Variants in NFIA observed in about 807,000 individuals in gnomAD.
NFIA encodes the protein nuclear factor I A.
In NFIA, 8 loss-of-function variants were observed where a neutral mutation model predicts 62.8. The ratio of observed to expected loss-of-function variants is 0.13; its 90% CI spans 0.07 to 0.23. NFIA has a LOEUF of 0.23. Among genes scored for constraint, NFIA ranks in the 10% least tolerant of loss-of-function variants. The pLI is 1.00. For synonymous variants in NFIA, 235 were observed against 238.1 expected (o/e 0.99, Z 0.12); for missense variants, 410 against 642.1 (o/e 0.64, Z 3.91).
At chr1:61,304,806 C>T (rs1464542019) in intron 3 of NFIA, among the ~76,000 whole-genome samples, 1 of 152,198 alleles carries the variant, frequency 6.6e-6, no homozygotes, top group African/African-American at 2.4e-5. Flanking sequence ...GTGGCACCAC[C>T]TTTTCCTCCT....
At chr1:61,180,669 T>C (rs1333610244) in intron 2 of NFIA, among the ~76,000 whole-genome samples, 1 of 152,142 alleles carries the variant, frequency 6.6e-6, no homozygotes, top group East Asian at 1.9e-4. Context: ...GGCCCATCCT[T>C]TATAAACACC....
chr1:61,425,975 T>C (rs1300548049), intron 9 of NFIA, among the ~76,000 whole-genome samples: 1 of 152,216 alleles, frequency 6.6e-6, no homozygotes, highest in African/African-American at 2.4e-5. Flanking sequence ...CATTAGTTCC[T>C]TCTATAAAGA....
intron 3 of NFIA, among the ~76,000 whole-genome samples, chr1:61,293,725 C>T (rs948703251): frequency 2.0e-5 from 3 of 152,198 alleles, no homozygotes; most frequent in Admixed American, 6.5e-5. Context: ...ATCTCACTAA[C>T]ATTCTTAGAA....
At chr1:61,440,112 T>C (rs933868748) in intron 10 of NFIA, among the ~76,000 whole-genome samples, 1 of 152,170 alleles carries the variant, frequency 6.6e-6, no homozygotes, top group Non-Finnish European at 1.5e-5. Context: ...TAATGTTTCC[T>C]AGTTAAGATT....
At chr1:61,153,859 G>A (rs1478139707) in intron 2 of NFIA, among the ~76,000 whole-genome samples, 3 of 152,218 alleles carry the variant, frequency 2.0e-5, no homozygotes, top group Non-Finnish European at 4.4e-5. Context: ...GGTCAGCTTA[G>A]AGAGGGCTCT....
At chr1:61,278,129 G>A (rs1302471376) in intron 3 of NFIA, among the ~76,000 whole-genome samples, 1 of 152,144 alleles carries the variant, frequency 6.6e-6, no homozygotes, top group Non-Finnish European at 1.5e-5. Flanking sequence ...ATACAGGGCA[G>A]CATTAAATTC....
At chr1:61,108,694 T>A (rs1183972008) in intron 2 of NFIA, among the ~76,000 whole-genome samples, 2 of 151,712 alleles carry the variant, frequency 1.3e-5, no homozygotes, top group African/African-American at 4.8e-5. Flanking sequence ...TCAGAGTTAA[T>A]GCCTTAATAT....
intron 3 of NFIA, among the ~76,000 whole-genome samples, chr1:61,278,215 A>G (rs1469209841): frequency 6.6e-6 from 1 of 152,226 alleles, no homozygotes; most frequent in Non-Finnish European, 1.5e-5. Flanking sequence ...TATGAATATC[A>G]TAGTATCTGG....
Position 61,137,953 on chromosome 1 carries a change from CT to C in NFIA, c.559+49286del, listed in dbSNP as rs1240928223. The stretch of plus-strand genomic sequence containing the variant: ...TTCTCTCTCTCTCTCTCTCCCACCT[CT>C]TTTTTTTTTTTTCTATTGAAGGAGG... On this transcript the variant is annotated intron_variant, in intron 2 of 10. Transcript: ENST00000403491. Among the ~76,000 whole-genome samples, 605 of 142,798 alleles carry C rather than the reference CT, an allele frequency of 4.2e-3. 4 individuals carry two copies. Among genetic ancestry groups the C allele is most frequent in the African/African-American group, 0.013 (513 of 39,286 alleles). The allele number at this position is 142,798 out of a possible 152,430, so 93.7% of individuals were successfully genotyped here.
chr1:61,359,012 G>A, intron 5 of NFIA, 135 bp from the exon 6 acceptor site: 1 of 1,268,540 alleles, frequency 7.9e-7, no homozygotes, highest in South Asian at 1.5e-5. Context: ...CTGAACAGAA[G>A]TTTAAAAGGA....
chr1:61,112,098 T>G (rs979103764), intron 2 of NFIA, among the ~76,000 whole-genome samples: 1 of 146,700 alleles, frequency 6.8e-6, no homozygotes, highest in African/African-American at 2.5e-5. Context: ...CTAAGAAGCT[T>G]AATCCTATTT....
At chr1:61,077,386 G>C (rs778101454), upstream of NFIA, 3 of 389,084 alleles carry the variant, frequency 7.7e-6, no homozygotes, top group African/African-American at 6.1e-5. Flanking sequence ...GAGCGAGAGC[G>C]AGACAGTGAG....
intron 2 of NFIA, among the ~76,000 whole-genome samples, chr1:61,128,964 C>G (rs990143671): frequency 7.8e-6 from 1 of 127,398 alleles, no homozygotes; most frequent in African/African-American, 2.9e-5. Flanking sequence ...GCTCTGTCGC[C>G]CAGGCTGGAG....
chr1:61,173,481 G>A (rs1303892712), intron 2 of NFIA, among the ~76,000 whole-genome samples: 5 of 152,018 alleles, frequency 3.3e-5, no homozygotes, highest in African/African-American at 7.3e-5. Flanking sequence ...TCCACCTCCT[G>A]GGTTCAAGTG....
chr1:61,286,988 G>A (rs1307465727), intron 3 of NFIA, among the ~76,000 whole-genome samples: 1 of 152,116 alleles, frequency 6.6e-6, no homozygotes, highest in African/African-American at 2.4e-5. Context: ...TACAAACAAG[G>A]GAGAGAATAG....
chr1:61,192,563 C>T (rs557264710), intron 2 of NFIA, among the ~76,000 whole-genome samples: 2 of 151,702 alleles, frequency 1.3e-5, no homozygotes, highest in South Asian at 4.2e-4. Context: ...ATTAGCTGAG[C>T]GTGGTGGTGG....
At chr1:61,418,868 T>G (rs1666477023) in intron 9 of NFIA, among the ~76,000 whole-genome samples, 4 of 152,238 alleles carry the variant, frequency 2.6e-5, no homozygotes, top group African/African-American at 7.2e-5. Context: ...ATCCAATATA[T>G]TGATCTAAGT....
intron 2 of NFIA, among the ~76,000 whole-genome samples, chr1:61,134,762 G>A (rs965724317): frequency 6.6e-6 from 1 of 152,168 alleles, no homozygotes; most frequent in Non-Finnish European, 1.5e-5. Context: ...GGCTGAGGTG[G>A]GAGGATTGTT....
chr1:61,089,685 G>GTT (rs959067137), intron 2 of NFIA, among the ~76,000 whole-genome samples: 21 of 118,182 alleles, frequency 1.8e-4, no homozygotes, highest in African/African-American at 6.9e-4. Flanking sequence ...AATATTTAAC[G>GTT]TTTTTTTTTC....
Sources: allele counts gnomAD v4.1 joint callset (sites outside exome capture counted in the v4.1 genomes callset), GRCh38; gene constraint gnomAD v4.1.1; transcripts MANE v1.5; gene names NCBI Gene and HGNC (gene_info 2026-07-23, HGNC 2026-07-21).